Variants in CCDC80 observed in about 807,000 individuals in gnomAD.
The protein encoded by CCDC80 is coiled-coil domain-containing protein 80.
A neutral mutation model predicts 78.7 loss-of-function variants in CCDC80; 49 were observed. The observed-to-expected ratio is 0.62, with a 90% CI of 0.50 to 0.79. The LOEUF is 0.79. Among genes scored for constraint, CCDC80 ranks in the 30% least tolerant of loss-of-function variants. The pLI, the probability that CCDC80 is intolerant of heterozygous loss-of-function variation, is 0.00. For missense variants in CCDC80, 1,205 were observed against 1,198.6 expected (o/e 1.01, Z -0.08); for synonymous variants, 488 against 447.0 (o/e 1.09, Z -1.16).
In CCDC80 at chr3:112,639,041, G is replaced by A. The variant is rs748931613; in HGVS notation, c.865C>T (p.Gln289Ter). The part of the protein sequence containing the change: ...QKCKASGVEG[Q>*]VVAEGNDGGG... ...CCGTCATTCCCCTCCGCCACCACCT[G>A]GCCCTCTACACCAGAGGCCTTACAT... The change falls in exon 2 of 8, where the codon CAG becomes TAG. Residue 289 changes from glutamine to a stop codon, truncating the protein, a stop_gained. Coordinates refer to ENST00000206423, the MANE Select transcript of CCDC80 (RefSeq NM_199511.3). LOFTEE classifies it high-confidence loss of function. 6.2e-7 allele frequency: 1 copy of A among 1,609,254 alleles called. No homozygotes were observed. Among genetic ancestry groups the A allele is most frequent in the Non-Finnish European group, 8.5e-7 (1 of 1,179,038 alleles).
intron 3 of CCDC80, among the ~76,000 whole-genome samples, chr3:112,623,439 C>T (rs958715185): frequency 6.6e-6 from 1 of 152,224 alleles, no homozygotes; most frequent in African/African-American, 2.4e-5. Flanking sequence ...AATGCCTGGA[C>T]TACTTTAGCC....
rs1187943388 is a variant in CCDC80, at chr3:112,599,258, G to A, written c.*6159C>T. ...ACCCATTTCTGTGTATCATTTCATT[G>A]ATTTCTGTGACAGCTGGCCCTTTGC... On this transcript the variant is annotated 3_prime_UTR_variant, in exon 8 of 8. Coordinates refer to ENST00000206423, the MANE Select transcript of CCDC80 (RefSeq NM_199511.3). 2 of 152,132 alleles carry A rather than the reference G, an allele frequency of 1.3e-5. No individual in the cohort carries two copies. The highest frequency in any genetic ancestry group is 4.8e-5 in the African/African-American group (2 of 41,412). 9.4% of individuals were successfully genotyped at this position (152,132 alleles called of 1,614,324 possible). A position where few individuals can be genotyped will look rare whatever the true frequency, so the allele number is the denominator to read the frequency against.
chr3:112,627,480 C>T (rs1464859642), intron 3 of CCDC80, among the ~76,000 whole-genome samples: 8 of 152,168 alleles, frequency 5.3e-5, no homozygotes, highest in South Asian at 2.1e-4. Flanking sequence ...CTGGTGAGTA[C>T]GGCCCACACT....
chr3:112,635,789 C>A (rs1008940183), intron 2 of CCDC80, among the ~76,000 whole-genome samples: 5 of 152,214 alleles, frequency 3.3e-5, no homozygotes, highest in Non-Finnish European at 5.9e-5. Context: ...TGTTTTGCCT[C>A]ACATGACATC....
chr3:112,605,816 T>C, intron 7 of CCDC80, 53 bp from the exon 8 acceptor site: 1 of 1,440,480 alleles, frequency 6.9e-7, no homozygotes, highest in Non-Finnish European at 9.5e-7. Flanking sequence ...TCAGAGCCCA[T>C]GAAAACATTA....
chr3:112,605,429 T>A lies in CCDC80; in HGVS notation c.2841A>T (p.Gly947=). Residue 947 remains glycine (G), a synonymous_variant, in exon 8 of 8, where the codon GGA becomes GGT. Coordinates refer to ENST00000206423, the MANE Select transcript of CCDC80 (RefSeq NM_199511.3). ...TACATATTTCTGCTCAGTAAGGGTA[T>A]CCATGGTGATAACTCTCATGATGAC... ...DYRHHESYHH[G]YPY 1 of 1,612,132 alleles carries A rather than the reference T, an allele frequency of 6.2e-7. No homozygotes were observed. The highest frequency in any genetic ancestry group is 8.5e-7 in the Non-Finnish European group (1 of 1,178,464).
intron 5 of CCDC80, among the ~76,000 whole-genome samples, chr3:112,611,211 C>A (rs2107473453): frequency 6.6e-6 from 1 of 152,258 alleles, no homozygotes. Context: ...CTGCGCCCAG[C>A]CTTCCTTATT....
At chr3:112,620,879 G>A (rs763739546) in intron 3 of CCDC80, among the ~76,000 whole-genome samples, 4 of 152,056 alleles carry the variant, frequency 2.6e-5, no homozygotes, top group African/African-American at 4.8e-5. Context: ...TTCATTCAAC[G>A]AAATATTTAT....
At chr3:112,610,509 G>A (rs1476798862) in intron 5 of CCDC80, among the ~76,000 whole-genome samples, 3 of 152,234 alleles carry the variant, frequency 2.0e-5, no homozygotes, top group African/African-American at 7.2e-5. Flanking sequence ...ATGAATATAC[G>A]GAAAGGAGAT....
In CCDC80 at chr3:112,639,635, G is replaced by A; in HGVS notation, c.271C>T (p.Pro91Ser). Reference protein sequence around the residue: ...PVLRLARPTEPPARSDINGAA... With the variant: ...PVLRLARPTESPARSDINGAA... The stretch of plus-strand genomic sequence containing the variant: ...CCATTGATGTCCGAGCGGGCTGGCG[G>A]CTCTGTTGGGCGAGCTAGTCTCAAC... The change falls in exon 2 of 8, where the codon CCG (proline) becomes TCG (serine). Residue 91 changes from proline to serine, a missense_variant. Pro to Ser is a moderately conservative substitution (Grantham distance 74). Transcript: ENST00000206423. The A allele has an allele frequency of 6.2e-7, 1 of 1,614,114 alleles. No homozygotes were observed. Among genetic ancestry groups the A allele is most frequent in the Non-Finnish European group, 8.5e-7 (1 of 1,180,032 alleles).
chr3:112,617,760 C>T (rs1034508952), intron 4 of CCDC80, among the ~76,000 whole-genome samples: 18 of 151,912 alleles, frequency 1.2e-4, no homozygotes, highest in Admixed American at 5.9e-4. Context: ...TTTTCATGAA[C>T]ATTTTTTGTG....
intron 6 of CCDC80, among the ~76,000 whole-genome samples, chr3:112,608,813 T>C (rs537822576): frequency 2.6e-5 from 4 of 152,198 alleles, no homozygotes; most frequent in African/African-American, 9.6e-5. Flanking sequence ...TTTTCTATTG[T>C]TCTTACTATT....
rs1935304391 is a variant in CCDC80 at position 112,597,668 on chromosome 3, A to G, written c.*7749T>C. 6.6e-6 allele frequency: 1 copy of G among 152,176 alleles called. No individual in the cohort carries two copies. Among genetic ancestry groups the G allele is most frequent in the Admixed American group, 6.6e-5 (1 of 15,266 alleles). The allele number at this position is 152,176 out of a possible 1,614,324, so 9.4% of individuals were successfully genotyped here. On this transcript the variant is annotated 3_prime_UTR_variant, in exon 8 of 8. Transcript: ENST00000206423. ...CCTGAACTGTGAGTATCCAGAAGCC[A>G]TTGACCATGTTAATGGTGGAGCCAA...
chr3:112,636,881 G>T (rs1343377564), intron 2 of CCDC80, among the ~76,000 whole-genome samples: 1 of 152,108 alleles, frequency 6.6e-6, no homozygotes, highest in Non-Finnish European at 1.5e-5. Flanking sequence ...CAGAATTAAT[G>T]GTAACAATAT....
intron 5 of CCDC80, 140 bp downstream of exon 5, chr3:112,616,570 G>T: frequency 1.1e-6 from 1 of 887,554 alleles, no homozygotes; most frequent in Non-Finnish European, 1.8e-6. Flanking sequence ...TAAGCTCAGT[G>T]GCCAGAGATG....
rs1164226783 is a variant in CCDC80 at position 112,616,971 on chromosome 3, A to G, written c.2173-113T>C. 5.9e-6 allele frequency: 6 copies of G among 1,021,048 alleles called. No homozygotes were observed. The East Asian group carries it at 1.2e-4, about 21-fold the overall frequency. The allele number at this position is 1,021,048 out of a possible 1,614,324, so 63.2% of individuals were successfully genotyped here. Reference sequence around the variant, plus strand: ...GAGCTCTGGGGAAATCTTTGAAATCAGAGCCTAGAAGATTCATTGCTTCAT... The same window carrying G: ...GAGCTCTGGGGAAATCTTTGAAATCGGAGCCTAGAAGATTCATTGCTTCAT... On this transcript the variant is annotated intron_variant, in intron 4 of 7. Coordinates refer to ENST00000206423, the MANE Select transcript of CCDC80 (RefSeq NM_199511.3).
Position 112,636,237 on chromosome 3 carries a change from A to G in CCDC80, c.1878+1791T>C, listed in dbSNP as rs578127880. Among the ~76,000 whole-genome samples the G allele has an allele frequency of 3.4e-4, 52 of 152,288 alleles. No homozygotes were observed. The South Asian group carries it at 0.01, about 30-fold the overall frequency. On this transcript the variant is annotated intron_variant, in intron 2 of 7. Coordinates refer to ENST00000206423, the MANE Select transcript of CCDC80 (RefSeq NM_199511.3). The stretch of plus-strand genomic sequence containing the variant: ...TTTGCCCCCACAGGCTCCCTAACAG[A>G]CATTCAAGTATCAGGTAGAGTTTTA...
At chr3:112,640,119 G>C (rs1479193537) in intron 1 of CCDC80, among the ~76,000 whole-genome samples, 1 of 152,182 alleles carries the variant, frequency 6.6e-6, no homozygotes, top group African/African-American at 2.4e-5. Flanking sequence ...TAATTTGTTA[G>C]TGTTTAACAG....
chr3:112,611,421 A>G (rs1243442465), intron 5 of CCDC80, among the ~76,000 whole-genome samples: 1 of 152,224 alleles, frequency 6.6e-6, no homozygotes, highest in East Asian at 1.9e-4. Context: ...ACCTATTCTT[A>G]GTCCTTAGGT....
Sources: gnomAD v4.1 joint callset for allele counts (sites outside exome capture counted in the v4.1 genomes callset) on GRCh38, gnomAD v4.1.1 for gene constraint, MANE v1.5 for transcripts, NCBI Gene and HGNC (gene_info 2026-07-23, HGNC 2026-07-21) for gene names.